CLPB: variants seen among roughly 807,000 people sequenced by gnomAD.
CLPB encodes the protein mitochondrial disaggregase.
A neutral mutation model predicts 78.4 loss-of-function variants in CLPB; 40 were observed. That is an observed-to-expected ratio of 0.51 (90% CI 0.40 to 0.66). CLPB has a LOEUF of 0.66. CLPB is among the 30% of genes least tolerant of loss of function. CLPB has a pLI of 0.00. For synonymous variants in CLPB, 333 were observed against 348.0 expected, an observed-to-expected ratio of 0.96 and a Z score of 0.48; for missense variants, 780 against 886.9, an observed-to-expected ratio of 0.88 and a Z score of 1.53.
chr11:72,385,308 T>C (rs537862120), intron 3 of CLPB, among the ~76,000 whole-genome samples: 1 of 152,366 alleles, frequency 6.6e-6, no homozygotes, highest in South Asian at 2.1e-4. Flanking sequence ...TTATGTAATA[T>C]TCCCACTAAT....
rs375214732 is a variant in CLPB at position 72,359,004 on chromosome 11, C to G, written c.651G>C (p.Leu217=). 41 of 1,613,416 alleles carry G rather than the reference C, an allele frequency of 2.5e-5. No individual in the cohort carries two copies. Among genetic ancestry groups the G allele is most frequent in the Non-Finnish European group, 3.2e-5 (38 of 1,179,958 alleles). Residue 217 remains leucine, a synonymous_variant, in exon 5 of 16, where the codon CTG becomes CTC. Transcript: ENST00000538039. ...KEQGIHSLEV[L]ITREDDFNNR... ...TGTTGAAGTCATCCTCTCGGGTGAT[C>G]AGGACTGGGGAGACAGCAACACAAA... is the stretch of plus-strand genomic sequence containing the variant.
At chr11:72,400,556 C>T (rs1855532306) in intron 3 of CLPB, among the ~76,000 whole-genome samples, 1 of 152,192 alleles carries the variant, frequency 6.6e-6, no homozygotes, top group Non-Finnish European at 1.5e-5. Flanking sequence ...TCAGTCTCAA[C>T]CTTGAAAATA....
At chr11:72,302,122 C>CT in intron 10 of CLPB, 158 bp from the exon 11 acceptor site, 1 of 984,296 alleles carries the variant, frequency 1.0e-6, no homozygotes, top group Non-Finnish European at 1.5e-6. Context: ...TAGATCTTCT[C>CT]TATGTTTATT....
chr11:72,326,784 G>A (rs1475177333), intron 6 of CLPB, among the ~76,000 whole-genome samples: 1 of 152,204 alleles, frequency 6.6e-6, no homozygotes, highest in Non-Finnish European at 1.5e-5. Context: ...AAGAAACCAG[G>A]TCTAAAATGG....
rs1441512062 is a variant in CLPB at position 72,285,995 on chromosome 11, G to A, written c.*7372C>T. 2.7e-5 allele frequency: 4 copies of A among 148,942 alleles called. No individual in the cohort carries two copies. Among genetic ancestry groups the A allele is most frequent in the South Asian group, 2.1e-4 (1 of 4,732 alleles). 9.2% of individuals were successfully genotyped at this position (148,942 alleles called of 1,614,324 possible). Reference sequence around the variant, plus strand: ...GAGATAGGCTGGAGTGCAGTGGCACGATCTCATCTCACAGCAACCTCCACC... The same window carrying A: ...GAGATAGGCTGGAGTGCAGTGGCACAATCTCATCTCACAGCAACCTCCACC... On this transcript the variant is annotated 3_prime_UTR_variant, in exon 16 of 16. Transcript: ENST00000538039.
chr11:72,324,552 A>G (rs1212402220), intron 6 of CLPB, among the ~76,000 whole-genome samples: 5 of 152,184 alleles, frequency 3.3e-5, no homozygotes, highest in Non-Finnish European at 4.4e-5. Context: ...GCGACACAGC[A>G]AGACTTCATC....
chr11:72,302,054 T>C (rs1949665837), intron 10 of CLPB, 90 bp from the exon 11 acceptor site: 2 of 1,432,740 alleles, frequency 1.4e-6, no homozygotes, highest in Non-Finnish European at 9.6e-7. Context: ...CTTTATACGC[T>C]ATTAAGGTTG....
In CLPB at chr11:72,286,318, A is replaced by G. The variant is rs1334732840; in HGVS notation, c.*7049T>C. The stretch of plus-strand genomic sequence containing the variant: ...TGATCATAGCTCACTGTAACCTCAT[A>G]CTCCTAGACTCAAGGAATCTTCCAC... On this transcript the variant is annotated 3_prime_UTR_variant, in exon 16 of 16. Transcript: ENST00000538039. 1 of 141,776 alleles carries G rather than the reference A, an allele frequency of 7.1e-6. No individual in the cohort carries two copies. The highest frequency in any genetic ancestry group is 2.7e-5 in the African/African-American group (1 of 37,318). The allele number at this position is 141,776 out of a possible 1,614,324, so 8.8% of individuals were successfully genotyped here.
At chr11:72,293,961 T>C (rs1372536977) in intron 15 of CLPB, 61 bp downstream of exon 15, 3 of 1,437,510 alleles carry the variant, frequency 2.1e-6, no homozygotes, top group Non-Finnish European at 2.9e-6. Context: ...AGGGACTGGG[T>C]CTGGGGGGCC....
At position 72,434,372 on chromosome 11, in the gene CLPB, G is replaced by A. The variant is rs1272827905; in HGVS notation, c.103C>T (p.Arg35Trp). The A allele has an allele frequency of 3.7e-6, 6 of 1,611,684 alleles. No homozygotes were observed. Among genetic ancestry groups the A allele is most frequent in the African/African-American group, 1.3e-5 (1 of 74,862 alleles). Residue 35 changes from arginine to tryptophan, a missense_variant, in exon 1 of 16, where the codon CGG becomes TGG. Around this residue, in one of 3 missense-constraint regions of CLPB, gnomAD observed 417 missense variants for 414.7 expected, o/e 1.01. Coordinates refer to ENST00000538039, the MANE Select transcript of CLPB (RefSeq NM_001258392.3). ...TLRGHGGASG[R>W]NVTTGSLGEP... ...CCGAGACTCCCAGTAGTCACATTCCGGCCGGAAGCACCTCCATGGCCCCGG... is the reference window on the plus strand; with the variant it reads ...CCGAGACTCCCAGTAGTCACATTCCAGCCGGAAGCACCTCCATGGCCCCGG...
At chr11:72,310,572 G>C (rs1002461071) in intron 7 of CLPB, among the ~76,000 whole-genome samples, 1 of 152,202 alleles carries the variant, frequency 6.6e-6, no homozygotes, top group Non-Finnish European at 1.5e-5. Context: ...AACGGCAAAG[G>C]CTAGACTTGT....
chr11:72,334,818 G>A (rs1423522899), intron 5 of CLPB, among the ~76,000 whole-genome samples: 1 of 152,216 alleles, frequency 6.6e-6, no homozygotes, highest in East Asian at 1.9e-4. Flanking sequence ...AACACCTGGA[G>A]CACCCCAGGC....
At position 72,287,539 on chromosome 11, in the gene CLPB, C is replaced by T. The variant is rs114994363; in HGVS notation, c.*5828G>A. 3,029 of 152,428 alleles carry T rather than the reference C, an allele frequency of 0.02. 89 individuals are homozygous for T. Among genetic ancestry groups the T allele is most frequent in the African/African-American group, 0.066 (2,727 of 41,522 alleles). The allele number at this position is 152,428 out of a possible 1,614,324, so 9.4% of individuals were successfully genotyped here. ...TGTTGCCCAGGCTGGTCTCAGACTCCGGGGCTCAAGTGATCTGCCTGCCTT... is the reference window on the plus strand; with the variant it reads ...TGTTGCCCAGGCTGGTCTCAGACTCTGGGGCTCAAGTGATCTGCCTGCCTT... On this transcript the variant is annotated 3_prime_UTR_variant, in exon 16 of 16. Coordinates refer to ENST00000538039, the MANE Select transcript of CLPB (RefSeq NM_001258392.3).
At chr11:72,336,649 C>T (rs73530719) in intron 5 of CLPB, 5,816 of 158,072 alleles carry the variant, frequency 0.037, 335 homozygotes, top group African/African-American at 0.12. Flanking sequence ...GGCTTTACCA[C>T]CTTCATCCTC....
chr11:72,380,868 T>G (rs1390093758), intron 3 of CLPB, among the ~76,000 whole-genome samples: 1 of 152,162 alleles, frequency 6.6e-6, no homozygotes, highest in African/African-American at 2.4e-5. Flanking sequence ...CTAGGGCCAG[T>G]CTGCTGAGAA....
At chr11:72,434,035 C>T (rs1044993182) in intron 1 of CLPB, 37 bp downstream of exon 1, 4 of 1,595,200 alleles carry the variant, frequency 2.5e-6, no homozygotes, top group Non-Finnish European at 3.4e-6. Context: ...ACAATCTTCC[C>T]GCCTCTCCCT....
chr11:72,370,823 C>T (rs936957583), intron 4 of CLPB, among the ~76,000 whole-genome samples: 1 of 152,184 alleles, frequency 6.6e-6, no homozygotes, highest in Non-Finnish European at 1.5e-5. Context: ...TCATTATCAC[C>T]TCCCTCTGCT....
chr11:72,430,317 G>T lies in CLPB; in HGVS notation c.450C>A (p.Val150=), dbSNP rs2135168122. The T allele has an allele frequency of 6.2e-7, 1 of 1,613,152 alleles. No individual in the cohort carries two copies. Among genetic ancestry groups the T allele is most frequent in the South Asian group, 1.1e-5 (1 of 90,638 alleles). ...AGGCCTGGGGTTCAACTCACCTGCT[G>T]ACTTCTTGCATATTGTTGGCACGGG... is the stretch of plus-strand genomic sequence containing the variant. ...EAARANNMQE[V]SRLLSEGADV... The change falls in exon 2 of 16, where the codon GTC becomes GTA. Residue 150 remains valine (V), a synonymous_variant. Transcript: ENST00000538039.
intron 10 of CLPB, 101 bp from the exon 11 acceptor site, chr11:72,302,065 CCT>C: frequency 7.5e-7 from 1 of 1,337,470 alleles, no homozygotes; most frequent in Non-Finnish European, 1.0e-6. Flanking sequence ...ATTAAGGTTG[CCT>C]CTCTCAACAG....
Sources: allele counts gnomAD v4.1 joint callset (sites outside exome capture counted in the v4.1 genomes callset), GRCh38; gene constraint gnomAD v4.1.1; regional missense constraint gnomAD v4.1.1; transcripts MANE v1.5; gene names NCBI Gene and HGNC (gene_info 2026-07-23, HGNC 2026-07-21).